GK5: variants seen among roughly 807,000 people sequenced by gnomAD.
The protein encoded by GK5 is glycerol kinase 5.
Under a neutral mutation model 77.3 loss-of-function variants are expected in GK5, and 39 were observed. The observed-to-expected ratio is 0.50, with a 90% CI of 0.39 to 0.66. The LOEUF (loss-of-function observed/expected upper bound fraction) is 0.66. Among genes scored for constraint, GK5 ranks in the 30% least tolerant of loss-of-function variants. GK5 has a pLI of 0.00. For missense variants in GK5, 487 were observed against 633.8 expected (o/e 0.77, Z 2.49); for synonymous variants, 211 against 208.0 (o/e 1.01, Z -0.13).
intron 3 of GK5, among the ~76,000 whole-genome samples, chr3:142,210,800 G>A (rs2064179706): frequency 6.6e-6 from 1 of 152,188 alleles, no homozygotes; most frequent in South Asian, 2.1e-4. Context: ...CAAAAACTCT[G>A]CTTCCTAATA....
intron 13 of GK5, among the ~76,000 whole-genome samples, chr3:142,171,909 G>C (rs1206170574): frequency 1.3e-5 from 2 of 151,988 alleles, no homozygotes. Flanking sequence ...ATTCATGACA[G>C]CATCATTCTT....
chr3:142,166,047 A>AT (rs1437558507), intron 15 of GK5, among the ~76,000 whole-genome samples: 1 of 152,168 alleles, frequency 6.6e-6, no homozygotes, highest in Admixed American at 6.5e-5. Flanking sequence ...CCATCATTTA[A>AT]TTTCATAACT....
In GK5 at chr3:142,161,495, A is replaced by G. The variant is rs537482002; in HGVS notation, c.*4127T>C. 2 of 152,368 alleles carry G rather than the reference A, an allele frequency of 1.3e-5. No homozygotes were observed. The highest frequency in any genetic ancestry group is 4.8e-5 in the African/African-American group (2 of 41,586). 9.4% of individuals were successfully genotyped at this position (152,368 alleles called of 1,614,324 possible). A position where few individuals can be genotyped will look rare whatever the true frequency, so the allele number is the denominator to read the frequency against. The stretch of plus-strand genomic sequence containing the variant: ...GTGTACAAACAAAGTTGCACTAACA[A>G]AGTAAAAATTTATCCCACATACATG... On this transcript the variant is annotated 3_prime_UTR_variant, in exon 16 of 16. Transcript: ENST00000392993.
intron 2 of GK5, among the ~76,000 whole-genome samples, chr3:142,215,163 T>C (rs2064255753): frequency 6.6e-6 from 1 of 152,202 alleles, no homozygotes. Context: ...AGACCATAGC[T>C]TTGGCCAGGA....
intron 9 of GK5, among the ~76,000 whole-genome samples, chr3:142,184,105 C>T (rs1450749652): frequency 3.3e-5 from 5 of 150,454 alleles, no homozygotes; most frequent in Non-Finnish European, 1.5e-5. Flanking sequence ...AAAAAAAATA[C>T]AAAAAATTAG....
At chr3:142,184,788 G>A (rs1246807673) in intron 9 of GK5, 13 of 872,864 alleles carry the variant, frequency 1.5e-5, no homozygotes, top group South Asian at 5.2e-5. Context: ...GTGAGCCATC[G>A]GTGAGATCAT....
At chr3:142,184,432 T>C (rs1381245235) in intron 9 of GK5, among the ~76,000 whole-genome samples, 3 of 152,116 alleles carry the variant, frequency 2.0e-5, no homozygotes, top group African/African-American at 7.2e-5. Flanking sequence ...GTAAATGTTT[T>C]GATATAAATA....
rs545612197 is a variant in GK5 at position 142,176,704 on chromosome 3, AC to A, written c.1143+777del. On this transcript the variant is annotated intron_variant, in intron 12 of 15. Coordinates refer to ENST00000392993, the MANE Select transcript of GK5 (RefSeq NM_001039547.3). ...TTTTGAGACGGACTCTCGCTCTGTC[AC>A]CCAGGCTGGAGTGCAGTGGCATCTC... 1.5e-3 allele frequency among the ~76,000 whole-genome samples: 137 copies of A among 91,380 alleles called. 1 individual carries two copies. Among genetic ancestry groups the A allele is most frequent in the East Asian group, 8.5e-3 (37 of 4,338 alleles). 59.9% of individuals were successfully genotyped at this position (91,380 alleles called of 152,430 possible).
At position 142,186,461 on chromosome 3, in the gene GK5, G is replaced by C; in HGVS notation, c.672C>G (p.Asp224Glu). The C allele has an allele frequency of 6.4e-7, 1 of 1,552,140 alleles. No homozygotes were observed. The highest frequency in any genetic ancestry group is 1.2e-5 in the South Asian group (1 of 81,138). The change falls in exon 7 of 16, where the codon GAC (aspartate) becomes GAG (glutamate). Residue 224 changes from aspartate to glutamate, a missense_variant. Coordinates refer to ENST00000392993, the MANE Select transcript of GK5 (RefSeq NM_001039547.3). Reference sequence around the variant, plus strand: ...AAAAAAAAATTTTTACCTTATATGGGTCAAAAAGTCCAGTTGTACTAGCAT... The same window carrying C: ...AAAAAAAAATTTTTACCTTATATGGCTCAAAAAGTCCAGTTGTACTAGCAT... ...FSNASTTGLF[D>E]PYKMCWSGMI...
rs1218404544 is a variant in GK5 at position 142,161,086 on chromosome 3, T to G, written c.*4536A>C. ...ACTACAGAGTAGTTCTTCTTTTGTT[T>G]TTTTGTTTTTGTTTTTGTTTTTGTT... On this transcript the variant is annotated 3_prime_UTR_variant, in exon 16 of 16. Transcript: ENST00000392993. The G allele has an allele frequency of 8.8e-6, 1 of 113,660 alleles. No homozygotes were observed. The highest frequency in any genetic ancestry group is 2.3e-5 in the Non-Finnish European group (1 of 44,236). 7.0% of individuals were successfully genotyped at this position (113,660 alleles called of 1,614,324 possible).
chr3:142,182,012 A>G (rs2063703849), intron 10 of GK5, among the ~76,000 whole-genome samples: 2 of 152,242 alleles, frequency 1.3e-5, no homozygotes, highest in Non-Finnish European at 2.9e-5. Context: ...CAAGGCTCCT[A>G]AATAGAAACA....
At chr3:142,204,417 C>T in intron 4 of GK5, 2 of 446,410 alleles carry the variant, frequency 4.5e-6, no homozygotes, top group Non-Finnish European at 8.3e-6. Context: ...TTCATCTAGT[C>T]TGTATCTTTT....
At chr3:142,186,589 A>C in intron 6 of GK5, 76 bp from the exon 7 acceptor site, 1 of 552,060 alleles carries the variant, frequency 1.8e-6, no homozygotes, top group South Asian at 3.4e-5. Context: ...TATAATATAG[A>C]CCTTTGTCTA....
chr3:142,224,008 G>C (rs2064394047), intron 1 of GK5, among the ~76,000 whole-genome samples: 1 of 152,158 alleles, frequency 6.6e-6, no homozygotes, highest in Non-Finnish European at 1.5e-5. Flanking sequence ...CTGAGAAAAA[G>C]GGGGAATACA....
intron 4 of GK5, among the ~76,000 whole-genome samples, chr3:142,203,433 T>C (rs2064057359): frequency 6.6e-6 from 1 of 152,150 alleles, no homozygotes; most frequent in Non-Finnish European, 1.5e-5. Context: ...CTGATACCAG[T>C]ACACTAGCAG....
At chr3:142,182,618 G>C (rs1299373315) in intron 10 of GK5, among the ~76,000 whole-genome samples, 1 of 152,096 alleles carries the variant, frequency 6.6e-6, no homozygotes, top group East Asian at 1.9e-4. Flanking sequence ...CAAAGTGCTG[G>C]GATTACAGGC....
intron 3 of GK5, among the ~76,000 whole-genome samples, chr3:142,208,624 A>G (rs188717632): frequency 5.7e-4 from 87 of 152,342 alleles, no homozygotes; most frequent in African/African-American, 2.0e-3. Flanking sequence ...ATCTATTGAT[A>G]TATAATTCTT....
In GK5 at chr3:142,158,637, A is replaced by C. The variant is rs2063400724; in HGVS notation, c.*6985T>G. ...CAGAAGGCCAGGCACAGTGGCTCAC[A>C]TCAGAGAAATAAGATTATGAATTTA... On this transcript the variant is annotated 3_prime_UTR_variant, in exon 16 of 16. Coordinates refer to ENST00000392993, the MANE Select transcript of GK5 (RefSeq NM_001039547.3). The C allele has an allele frequency of 6.6e-6, 1 of 152,646 alleles. No homozygotes were observed. The allele number at this position is 152,646 out of a possible 1,614,324, so 9.5% of individuals were successfully genotyped here.
At chr3:142,222,308 G>A (rs1010472704) in intron 1 of GK5, among the ~76,000 whole-genome samples, 2 of 152,202 alleles carry the variant, frequency 1.3e-5, no homozygotes, top group African/African-American at 4.8e-5. Flanking sequence ...GCTCATGCCT[G>A]TAATCCCAGC....
Sources: allele counts gnomAD v4.1 joint callset (sites outside exome capture counted in the v4.1 genomes callset), GRCh38; gene constraint gnomAD v4.1.1; transcripts MANE v1.5; gene names NCBI Gene and HGNC (gene_info 2026-07-23, HGNC 2026-07-21).